Variants in G3BP1 observed in about 807,000 individuals in gnomAD.
G3BP1 encodes ras GTPase-activating protein-binding protein 1.
A neutral mutation model predicts 58.6 loss-of-function variants in G3BP1; 35 were observed. The ratio of observed to expected loss-of-function variants is 0.60; its 90% CI spans 0.46 to 0.79. The LOEUF is 0.79. G3BP1 is among the 30% of genes least tolerant of loss of function. The pLI is 0.00. For missense variants in G3BP1, 523 were observed against 580.8 expected (o/e 0.90, Z 1.02); for synonymous variants, 191 against 195.4 (o/e 0.98, Z 0.19).
At chr5:151,793,892 T>C (rs1762703323) in intron 4 of G3BP1, among the ~76,000 whole-genome samples, 1 of 151,124 alleles carries the variant, frequency 6.6e-6, no homozygotes, top group Non-Finnish European at 1.5e-5. Context: ...CGCGCCCCTG[T>C]AGTTCTAGCT....
intron 5 of G3BP1, 52 bp from the exon 6 acceptor site, chr5:151,795,427 A>G (rs1204844720): frequency 3.4e-6 from 3 of 888,292 alleles, no homozygotes; most frequent in African/African-American, 1.7e-5. Context: ...AAGTTAATGT[A>G]TATGTGAATT....
intron 1 of G3BP1, among the ~76,000 whole-genome samples, chr5:151,785,294 A>G (rs1157369856): frequency 1.3e-5 from 2 of 152,356 alleles, no homozygotes; most frequent in East Asian, 1.9e-4. Flanking sequence ...TTTGGGGACA[A>G]TAACAGGCAT....
chr5:151,800,672 A>T lies in G3BP1; in HGVS notation c.1085-88A>T. 3 of 810,610 alleles carry T rather than the reference A, an allele frequency of 3.7e-6. No individual in the cohort carries two copies. The East Asian group carries it at 7.3e-5, about 20-fold the overall frequency. 50.2% of individuals were successfully genotyped at this position (810,610 alleles called of 1,614,324 possible). A position where few individuals can be genotyped will look rare whatever the true frequency, so the allele number is the denominator to read the frequency against. ...ATTCAAGTGCTCAGTAGTCACATGC[A>T]TCTAGTGGCTACTGTATTGGACTGT... On this transcript the variant is annotated intron_variant, in intron 10 of 11. Transcript: ENST00000356245.
At chr5:151,777,620 C>A (rs1420794277) in intron 1 of G3BP1, among the ~76,000 whole-genome samples, 1 of 152,144 alleles carries the variant, frequency 6.6e-6, no homozygotes, top group East Asian at 1.9e-4. Context: ...CCCAGCTTCT[C>A]AAAAGACTGA....
chr5:151,782,359 A>G lies in G3BP1; in HGVS notation c.-49-4213A>G, dbSNP rs1762483583. On this transcript the variant is annotated intron_variant, in intron 1 of 11. Coordinates refer to ENST00000356245, the MANE Select transcript of G3BP1 (RefSeq NM_005754.3). Reference sequence around the variant, plus strand: ...AATGTTTATTCACTATTTAAAAATAACACTCAGTTTTAAAGTTCATTTGTC... The same window carrying G: ...AATGTTTATTCACTATTTAAAAATAGCACTCAGTTTTAAAGTTCATTTGTC... Among the ~76,000 whole-genome samples, 3 of 152,198 alleles carry G rather than the reference A, an allele frequency of 2.0e-5. No homozygotes were observed. In the South Asian group the frequency reaches 6.2e-4, roughly 32 times the overall value.
At chr5:151,790,442 T>C in intron 3 of G3BP1, 38 bp downstream of exon 3, 2 of 1,139,884 alleles carry the variant, frequency 1.8e-6, no homozygotes, top group South Asian at 1.5e-5. Flanking sequence ...GTTAAGCAGG[T>C]AGAAAATAAC....
chr5:151,790,072 G>A (rs1384903519), intron 2 of G3BP1, among the ~76,000 whole-genome samples: 1 of 147,962 alleles, frequency 6.8e-6, no homozygotes, highest in Non-Finnish European at 1.5e-5. Context: ...ACTTTGGGAA[G>A]CTGAGGTGCC....
intron 8 of G3BP1, 90 bp downstream of exon 8, chr5:151,799,403 G>A (rs1194303916): frequency 1.1e-5 from 8 of 743,208 alleles, no homozygotes; most frequent in Non-Finnish European, 2.0e-5. Flanking sequence ...GTGAAAACTG[G>A]TCAGGTGCAG....
intron 4 of G3BP1, 165 bp downstream of exon 4, chr5:151,791,227 C>A: frequency 1.7e-6 from 1 of 577,826 alleles, no homozygotes; most frequent in South Asian, 2.2e-5. Flanking sequence ...GCTGTCACCA[C>A]TTGCCCACAT....
At chr5:151,798,477 G>T (rs1291715860) in intron 7 of G3BP1, among the ~76,000 whole-genome samples, 1 of 152,204 alleles carries the variant, frequency 6.6e-6, no homozygotes, top group Non-Finnish European at 1.5e-5. Flanking sequence ...AGTGGAAATG[G>T]AAAAGAAATA....
Position 151,806,287 on chromosome 5 carries a change from A to G in G3BP1, c.*2196A>G, listed in dbSNP as rs1297735902. The G allele has an allele frequency of 6.6e-6, 1 of 152,236 alleles. No individual in the cohort carries two copies. The highest frequency in any genetic ancestry group is 2.4e-5 in the African/African-American group (1 of 41,460). The allele number at this position is 152,236 out of a possible 1,614,324, so 9.4% of individuals were successfully genotyped here. ...GAAATCTGTTTCAAGAATTGCAGTAACATCTACTCTAAGGAATTAGTAATT... is the reference window on the plus strand; with the variant it reads ...GAAATCTGTTTCAAGAATTGCAGTAGCATCTACTCTAAGGAATTAGTAATT... On this transcript the variant is annotated 3_prime_UTR_variant, in exon 12 of 12. Coordinates refer to ENST00000356245, the MANE Select transcript of G3BP1 (RefSeq NM_005754.3).
intron 1 of G3BP1, among the ~76,000 whole-genome samples, chr5:151,772,927 G>A (rs979118566): frequency 6.6e-6 from 1 of 152,238 alleles, no homozygotes; most frequent in Non-Finnish European, 1.5e-5. Context: ...GGGAGACAAG[G>A]GTTGGAAGTG....
chr5:151,789,892 G>A (rs1762619982), intron 2 of G3BP1, among the ~76,000 whole-genome samples: 2 of 152,100 alleles, frequency 1.3e-5, no homozygotes, highest in Admixed American at 1.3e-4. Context: ...GTTTCTGCCA[G>A]GGCCAGGCGC....
rs2113234975 is a variant in G3BP1, at chr5:151,791,173, G to A, written c.351+111G>A. 3.3e-6 allele frequency: 3 copies of A among 911,848 alleles called. No homozygotes were observed. In the African/African-American group the frequency reaches 4.9e-5, roughly 15 times the overall value. The allele number at this position is 911,848 out of a possible 1,614,324, so 56.5% of individuals were successfully genotyped here. ...GAAATTTCAGACTTACAGAAAACTTGGAATAATAGTACACTAACTCCTATA... is the reference window on the plus strand; with the variant it reads ...GAAATTTCAGACTTACAGAAAACTTAGAATAATAGTACACTAACTCCTATA... On this transcript the variant is annotated intron_variant, in intron 4 of 11. Coordinates refer to ENST00000356245, the MANE Select transcript of G3BP1 (RefSeq NM_005754.3).
intron 2 of G3BP1, among the ~76,000 whole-genome samples, chr5:151,788,409 C>A (rs758152221): frequency 3.3e-5 from 5 of 149,630 alleles, no homozygotes; most frequent in African/African-American, 4.9e-5. Flanking sequence ...CCCTTTCTTT[C>A]TTTTTTTTTG....
intron 1 of G3BP1, among the ~76,000 whole-genome samples, chr5:151,782,109 G>A (rs1762480915): frequency 6.6e-6 from 1 of 152,032 alleles, no homozygotes; most frequent in Admixed American, 6.6e-5. Context: ...CTTCTTTATA[G>A]TTAATAATTT....
intron 7 of G3BP1, among the ~76,000 whole-genome samples, chr5:151,797,898 C>T (rs1176523016): frequency 1.3e-5 from 2 of 152,266 alleles, no homozygotes; most frequent in East Asian, 3.9e-4. Flanking sequence ...AGTTGGCATA[C>T]CTGATTTCAG....
At chr5:151,802,588 T>A (rs1762872745) in intron 11 of G3BP1, among the ~76,000 whole-genome samples, 1 of 152,194 alleles carries the variant, frequency 6.6e-6, no homozygotes. Flanking sequence ...TGCTAGTCCT[T>A]AAAGTAGGTA....
At chr5:151,801,442 C>CA (rs1293440357) in intron 11 of G3BP1, among the ~76,000 whole-genome samples, 2 of 151,922 alleles carry the variant, frequency 1.3e-5, no homozygotes, top group African/African-American at 2.4e-5. Flanking sequence ...CTTCCTCTAG[C>CA]AAAAAACTAC....
Sources: allele counts gnomAD v4.1 joint callset (sites outside exome capture counted in the v4.1 genomes callset), GRCh38; gene constraint gnomAD v4.1.1; transcripts MANE v1.5; gene names NCBI Gene and HGNC (gene_info 2026-07-23, HGNC 2026-07-21).